OSTF1: variants seen among roughly 807,000 people sequenced by gnomAD.
OSTF1 encodes the protein osteoclast-stimulating factor 1.
OSTF1 carries 27 observed loss-of-function variants against 37.2 expected under a neutral mutation model. That is an observed-to-expected ratio of 0.73 (90% CI 0.54 to 1.00). The LOEUF is 1.00. OSTF1 is among the 50% of genes least tolerant of loss of function. The pLI is 0.00. For synonymous variants in OSTF1, 82 were observed against 89.2 expected, an observed-to-expected ratio of 0.92 and a Z score of 0.46; for missense variants, 232 against 253.8, an observed-to-expected ratio of 0.91 and a Z score of 0.58.
Position 75,147,144 on chromosome 9 carries a change from C to T in OSTF1, c.*403C>T, listed in dbSNP as rs887309154. Reference sequence around the variant, plus strand: ...CTTATTATAATAATAAACCAAAATACTTAACAGAAAATTGTCAGCTATTCT... The same window carrying T: ...CTTATTATAATAATAAACCAAAATATTTAACAGAAAATTGTCAGCTATTCT... On this transcript the variant is annotated 3_prime_UTR_variant, in exon 10 of 10. Transcript: ENST00000346234. The T allele has an allele frequency of 6.9e-6, 1 of 145,066 alleles. No individual in the cohort carries two copies. The highest frequency in any genetic ancestry group is 2.6e-5 in the African/African-American group (1 of 38,702). The allele number at this position is 145,066 out of a possible 1,614,324, so 9.0% of individuals were successfully genotyped here. A position where few individuals can be genotyped will look rare whatever the true frequency, so the allele number is the denominator to read the frequency against.
chr9:75,123,560 A>G (rs988213899), intron 2 of OSTF1, among the ~76,000 whole-genome samples: 7 of 152,240 alleles, frequency 4.6e-5, no homozygotes, highest in Admixed American at 3.9e-4. Context: ...TCATTGAACA[A>G]TTTAGATCAG....
At chr9:75,128,407 T>TATA (rs1825699139) in intron 3 of OSTF1, among the ~76,000 whole-genome samples, 17 of 69,942 alleles carry the variant, frequency 2.4e-4, no homozygotes, top group Non-Finnish European at 4.8e-4. Context: ...TATATATATA[T>TATA]TTTGTCCATA....
intron 8 of OSTF1, among the ~76,000 whole-genome samples, chr9:75,139,744 T>C (rs1487166290): frequency 1.3e-5 from 2 of 152,176 alleles, no homozygotes; most frequent in East Asian, 1.9e-4. Context: ...TGGAAAGCAA[T>C]CTTAAAATCA....
At chr9:75,125,886 G>A (rs1269518876) in intron 2 of OSTF1, among the ~76,000 whole-genome samples, 1 of 152,146 alleles carries the variant, frequency 6.6e-6, no homozygotes, top group Admixed American at 6.5e-5. Context: ...ATGAATGGAT[G>A]AAATATTTTA....
At chr9:75,090,615 C>T (rs1824954921) in intron 1 of OSTF1, among the ~76,000 whole-genome samples, 1 of 151,862 alleles carries the variant, frequency 6.6e-6, no homozygotes, top group Admixed American at 6.6e-5. Context: ...TAGTAATTTA[C>T]AGTGAGAAAC....
chr9:75,112,299 A>G lies in OSTF1; in HGVS notation c.35-5205A>G, dbSNP rs370312529. ...TATTATTATTATTGTTTTCTCGACA[A>G]GAACAGTATCCAGGGTTGTTAAACA... On this transcript the variant is annotated intron_variant, in intron 1 of 9. Coordinates refer to ENST00000346234, the MANE Select transcript of OSTF1 (RefSeq NM_012383.5). Among the ~76,000 whole-genome samples the G allele has an allele frequency of 2.0e-5, 3 of 152,302 alleles. No homozygotes were observed. In the South Asian group the frequency reaches 6.2e-4, roughly 32 times the overall value.
intron 1 of OSTF1, among the ~76,000 whole-genome samples, chr9:75,092,800 A>T (rs947699155): frequency 2.6e-5 from 4 of 152,104 alleles, no homozygotes; most frequent in African/African-American, 9.7e-5. Flanking sequence ...TGGTTGGCAT[A>T]TGTTTCCAAA....
chr9:75,095,636 T>C (rs1355204881), intron 1 of OSTF1, among the ~76,000 whole-genome samples: 1 of 152,164 alleles, frequency 6.6e-6, no homozygotes, highest in Non-Finnish European at 1.5e-5. Flanking sequence ...ATTTGGTATG[T>C]GCACAGAGAA....
chr9:75,142,412 T>C (rs1250650266), intron 9 of OSTF1, among the ~76,000 whole-genome samples: 1 of 152,188 alleles, frequency 6.6e-6, no homozygotes, highest in African/African-American at 2.4e-5. Context: ...ACTGACTTCC[T>C]GTTGTGTGGC....
At position 75,146,730 on chromosome 9, in the gene OSTF1, G is replaced by A. The variant is rs1486299069; in HGVS notation, c.634G>A (p.Asp212Asn). 4 of 1,606,808 alleles carry A rather than the reference G, an allele frequency of 2.5e-6. No individual in the cohort carries two copies. Among genetic ancestry groups the A allele is most frequent in the Non-Finnish European group, 3.4e-6 (4 of 1,175,024 alleles). ...SNAEDYLDDE[D>N]SD ...TGCCGAGGACTATCTCGATGATGAA[G>A]ACTCAGATTAATTCCTTTCTGGAGC... Residue 212 changes from aspartate to asparagine, a missense_variant, in exon 10 of 10, where the codon GAC becomes AAC. Transcript: ENST00000346234.
intron 3 of OSTF1, among the ~76,000 whole-genome samples, chr9:75,129,185 C>G (rs1357962459): frequency 6.6e-6 from 1 of 152,120 alleles, no homozygotes; most frequent in Non-Finnish European, 1.5e-5. Context: ...GAATTGAAAC[C>G]CATTAAATAC....
intron 1 of OSTF1, among the ~76,000 whole-genome samples, chr9:75,101,605 A>G (rs537695210): frequency 6.6e-6 from 1 of 152,352 alleles, no homozygotes; most frequent in East Asian, 1.9e-4. Flanking sequence ...CCGTTTTCAA[A>G]GATATTGATA....
rs1280230501 is a variant in OSTF1 at position 75,133,315 on chromosome 9, A to T, written c.272A>T (p.Glu91Val). 6.2e-7 allele frequency: 1 copy of T among 1,610,876 alleles called. No individual in the cohort carries two copies. Among genetic ancestry groups the T allele is most frequent in the South Asian group, 1.1e-5 (1 of 90,862 alleles). ...AKRGNLSWLR[E>V]CLDNRVGVNG... is the part of the protein sequence containing the mutation. Reference sequence around the variant, plus strand: ...TCAGGCAACTTGAGCTGGTTGAGAGAGTGTTTGGACAACAGAGTGGGTGTT... The same window carrying T: ...TCAGGCAACTTGAGCTGGTTGAGAGTGTGTTTGGACAACAGAGTGGGTGTT... The change falls in exon 6 of 10, where the codon GAG becomes GTG. Residue 91 changes from glutamate to valine, a missense_variant. Coordinates refer to ENST00000346234, the MANE Select transcript of OSTF1 (RefSeq NM_012383.5).
At chr9:75,096,942 A>G (rs1408687409) in intron 1 of OSTF1, among the ~76,000 whole-genome samples, 1 of 152,174 alleles carries the variant, frequency 6.6e-6, no homozygotes, top group Non-Finnish European at 1.5e-5. Flanking sequence ...CAGGTTCACA[A>G]GACTTTCTGG....
chr9:75,124,254 G>A (rs1026797873), intron 2 of OSTF1, among the ~76,000 whole-genome samples: 2 of 152,144 alleles, frequency 1.3e-5, no homozygotes, highest in African/African-American at 4.8e-5. Flanking sequence ...AACCCCTCAA[G>A]CGTTTATCGT....
At chr9:75,107,999 G>A (rs1825319238) in intron 1 of OSTF1, among the ~76,000 whole-genome samples, 3 of 152,146 alleles carry the variant, frequency 2.0e-5, no homozygotes, top group Admixed American at 6.5e-5. Context: ...CACTTTGGGA[G>A]GCCGAGGTGG....
chr9:75,119,312 G>T (rs766494682), intron 2 of OSTF1, among the ~76,000 whole-genome samples: 57 of 152,200 alleles, frequency 3.7e-4, no homozygotes, highest in Admixed American at 8.5e-4. Context: ...ACATGGGGGT[G>T]TGCATATTCA....
At chr9:75,128,396 A>G in intron 3 of OSTF1, among the ~76,000 whole-genome samples, 1 of 95,210 alleles carries the variant, frequency 1.1e-5, no homozygotes, top group African/African-American at 4.5e-5. Flanking sequence ...ATATATATAT[A>G]TATATATATA....
At chr9:75,100,160 G>A (rs1825164690) in intron 1 of OSTF1, among the ~76,000 whole-genome samples, 1 of 152,180 alleles carries the variant, frequency 6.6e-6, no homozygotes, top group Non-Finnish European at 1.5e-5. Flanking sequence ...AATGACCACT[G>A]CATATTGGTG....
Sources: gnomAD v4.1 joint callset for allele counts (sites outside exome capture counted in the v4.1 genomes callset) on GRCh38, gnomAD v4.1.1 for gene constraint, MANE v1.5 for transcripts, NCBI Gene and HGNC (gene_info 2026-07-23, HGNC 2026-07-21) for gene names.